The following XRN1 variants were observed in gnomAD, a reference collection of about 807,000 sequenced individuals.
The protein encoded by XRN1 is strand-exchange protein 1 homolog.
Under a neutral mutation model 222.3 loss-of-function variants are expected in XRN1, and 67 were observed. That is an observed-to-expected ratio of 0.30 (90% confidence interval 0.25 to 0.37). The LOEUF (loss-of-function observed/expected upper bound fraction) is 0.37. Among genes scored for constraint, XRN1 ranks in the 10% least tolerant of loss-of-function variants. XRN1 has a pLI of 1.00. For synonymous variants in XRN1, 643 were observed against 652.4 expected, an observed-to-expected ratio of 0.99 and a Z score of 0.22; for missense variants, 1,707 against 2,000.2, an observed-to-expected ratio of 0.85 and a Z score of 2.80.
intron 27 of XRN1, among the ~76,000 whole-genome samples, chr3:142,365,951 G>T (rs1240283989): frequency 6.6e-6 from 1 of 152,024 alleles, no homozygotes; most frequent in Admixed American, 6.6e-5. Flanking sequence ...TAAAAATTAT[G>T]GTGGCATTCA....
chr3:142,332,719 C>G, intron 35 of XRN1, 185 bp from the exon 36 acceptor site: 1 of 713,518 alleles, frequency 1.4e-6, no homozygotes, highest in Non-Finnish European at 2.1e-6. Context: ...AGAAACGATA[C>G]TTATCCTCCT....
intron 1 of XRN1, among the ~76,000 whole-genome samples, chr3:142,437,279 C>G (rs1339604148): frequency 6.6e-6 from 1 of 152,128 alleles, no homozygotes; most frequent in East Asian, 1.9e-4. Context: ...ATTTAACATC[C>G]AAAATGTTTC....
intron 32 of XRN1, among the ~76,000 whole-genome samples, chr3:142,351,317 G>C (rs1341239208): frequency 2.6e-5 from 4 of 152,140 alleles, no homozygotes; most frequent in Non-Finnish European, 4.4e-5. Context: ...AACAGGGAAG[G>C]GTGGTATTCC....
Position 142,375,897 on chromosome 3 carries a change from T to C in XRN1, c.2879A>G (p.Asn960Ser). 1 of 1,613,922 alleles carries C rather than the reference T, an allele frequency of 6.2e-7. No individual in the cohort carries two copies. The highest frequency in any genetic ancestry group is 8.5e-7 in the Non-Finnish European group (1 of 1,179,944). ...TCCAGGTACCTCCTCATTTTTCTTGTTGAATTTGAGATTTAAACCCACATT... is the reference window on the plus strand; with the variant it reads ...TCCAGGTACCTCCTCATTTTTCTTGCTGAATTTGAGATTTAAACCCACATT... ...KANVGLNLKF[N>S]KKNEEVPGYT... The change falls in exon 25 of 41, where the codon AAC becomes AGC. Residue 960 changes from asparagine (N) to serine (S), a missense_variant. Coordinates refer to ENST00000392981, the MANE Select transcript of XRN1 (RefSeq NM_001282857.2).
chr3:142,376,610 C>A lies in XRN1; in HGVS notation c.2716-16G>T. The A allele has an allele frequency of 1.3e-6, 2 of 1,539,306 alleles. No homozygotes were observed. Among genetic ancestry groups the A allele is most frequent in the Non-Finnish European group, 1.8e-6 (2 of 1,126,352 alleles). ...TAGAATATTTCTTTAAATATAAAAA[C>A]AAAAAGGTCAATTATGGAAACACAA... is the stretch of plus-strand genomic sequence containing the variant. On this transcript the variant is annotated splice_polypyrimidine_tract_variant and intron_variant, in intron 23 of 40. Transcript: ENST00000392981.
At position 142,412,636 on chromosome 3, in the gene XRN1, T is replaced by C. The variant is rs561295512; in HGVS notation, c.1621A>G (p.Ile541Val). The change falls in exon 15 of 41, where the codon ATT (isoleucine) becomes GTT (valine). Residue 541 changes from isoleucine (I) to valine (V), a missense_variant. Ile to Val is a conservative substitution (Grantham distance 29). Transcript: ENST00000392981. ...AAATCAGGTGGGTAATATTCTATAA[T>C]TGGTGAGTCTTCATTGGTCATCAAA... Reference protein sequence around the residue: ...QHLMTNEDSPIIEYYPPDFKT... With the variant: ...QHLMTNEDSPVIEYYPPDFKT... The C allele has an allele frequency of 1.2e-6, 2 of 1,602,316 alleles. No individual in the cohort carries two copies. Among genetic ancestry groups the C allele is most frequent in the Non-Finnish European group, 1.7e-6 (2 of 1,172,306 alleles).
At chr3:142,381,524 C>CT (rs1193501788) in intron 22 of XRN1, among the ~76,000 whole-genome samples, 1 of 142,878 alleles carries the variant, frequency 7.0e-6, no homozygotes, top group South Asian at 2.2e-4. Flanking sequence ...TATCCACTGC[C>CT]TTTTTTTGTT....
chr3:142,333,155 T>G (rs1460744224), intron 34 of XRN1, 66 bp from the exon 35 acceptor site: 3 of 1,515,800 alleles, frequency 2.0e-6, no homozygotes, highest in Non-Finnish European at 2.7e-6. Context: ...AAAAGCTGAG[T>G]TTTATGTACA....
intron 37 of XRN1, among the ~76,000 whole-genome samples, chr3:142,325,463 T>C (rs1348055635): frequency 1.3e-5 from 2 of 152,160 alleles, no homozygotes; most frequent in South Asian, 2.1e-4. Context: ...CATGGGGGTA[T>C]ACATGCAGGT....
intron 2 of XRN1, 36 bp from the exon 3 acceptor site, chr3:142,426,877 C>CT: frequency 6.4e-7 from 1 of 1,568,018 alleles, no homozygotes; most frequent in Non-Finnish European, 8.7e-7. Context: ...CTTAAGTTTT[C>CT]TGAAAAAAAG....
In XRN1 at chr3:142,362,223, T is replaced by C. The variant is rs112049952; in HGVS notation, c.3395-2292A>G. 7.7e-3 allele frequency among the ~76,000 whole-genome samples: 1,171 copies of C among 152,142 alleles called. 20 individuals carry two copies. The highest frequency in any genetic ancestry group is 0.026 in the African/African-American group (1,094 of 41,498). On this transcript the variant is annotated intron_variant, in intron 29 of 40. Transcript: ENST00000392981. ...CATGATCTCGGCTCACTGCAACCTCTGCCTCCCAGGTTCAAGTGATTCTTC... is the reference window on the plus strand; with the variant it reads ...CATGATCTCGGCTCACTGCAACCTCCGCCTCCCAGGTTCAAGTGATTCTTC...
At chr3:142,426,520 A>C (rs190738722) in intron 3 of XRN1, 19 of 487,000 alleles carry the variant, frequency 3.9e-5, no homozygotes, top group Admixed American at 2.9e-4. Flanking sequence ...ATTCCTGTCC[A>C]TATCTGCTCT....
chr3:142,336,852 A>G (rs1440591747), intron 33 of XRN1, among the ~76,000 whole-genome samples: 2 of 152,210 alleles, frequency 1.3e-5, no homozygotes, highest in Admixed American at 6.5e-5. Flanking sequence ...CCATTTGAAT[A>G]TAACACCTTT....
At chr3:142,340,894 A>AC (rs2107786647) in intron 33 of XRN1, among the ~76,000 whole-genome samples, 1 of 152,364 alleles carries the variant, frequency 6.6e-6, no homozygotes, top group African/African-American at 2.4e-5. Flanking sequence ...TTTCATCAAC[A>AC]CCAGATCTGT....
intron 5 of XRN1, among the ~76,000 whole-genome samples, chr3:142,424,266 TG>T (rs758316373): frequency 6.6e-6 from 1 of 152,154 alleles, no homozygotes; most frequent in Non-Finnish European, 1.5e-5. Context: ...GGCTAATTTT[TG>T]TATTTTTTAG....
chr3:142,361,170 G>A (rs1174700817), intron 29 of XRN1, among the ~76,000 whole-genome samples: 3 of 152,074 alleles, frequency 2.0e-5, no homozygotes, highest in Non-Finnish European at 4.4e-5. Flanking sequence ...TGGCTTCTTC[G>A]AGCATAATTA....
At chr3:142,388,970 C>T (rs895356442) in intron 20 of XRN1, among the ~76,000 whole-genome samples, 5 of 152,148 alleles carry the variant, frequency 3.3e-5, no homozygotes, top group Admixed American at 6.6e-5. Context: ...CACTTTGGCA[C>T]GTTGGGAGGC....
intron 25 of XRN1, 147 bp from the exon 26 acceptor site, chr3:142,371,475 T>G: frequency 1.5e-6 from 1 of 647,906 alleles, no homozygotes; most frequent in East Asian, 2.8e-5. Flanking sequence ...TTAAAAGTGA[T>G]AGAAAGTGTA....
At chr3:142,328,745 A>C (rs1216018499) in intron 37 of XRN1, among the ~76,000 whole-genome samples, 1 of 43,488 alleles carries the variant, frequency 2.3e-5, no homozygotes, top group South Asian at 6.8e-4. Flanking sequence ...ATATATATAT[A>C]TATATATATA....
Sources: gnomAD v4.1 joint callset for allele counts (sites outside exome capture counted in the v4.1 genomes callset) on GRCh38, gnomAD v4.1.1 for gene constraint, MANE v1.5 for transcripts, NCBI Gene and HGNC (gene_info 2026-07-23, HGNC 2026-07-21) for gene names.